Variants in DGKB observed in about 807,000 individuals in gnomAD.
DGKB encodes the protein diacylglycerol kinase beta, also known as 90 kDa diacylglycerol kinase.
Under a neutral mutation model 114.3 loss-of-function variants are expected in DGKB, and 67 were observed. The observed-to-expected ratio is 0.59, with a 90% confidence interval of 0.48 to 0.72. The LOEUF (loss-of-function observed/expected upper bound fraction) is 0.72. Ranked by LOEUF, DGKB falls within the 30% of genes least tolerant of loss-of-function variation. The probability of loss-of-function intolerance (pLI) is 0.00; values close to 1 mark genes in which losing one functional copy is unlikely to be tolerated. For synonymous variants in DGKB, 398 were observed against 323.1 expected (o/e 1.23, Z -2.49); for missense variants, 907 against 975.2 (o/e 0.93, Z 0.93).
At chr7:14,919,095 A>AAACACACACAC (rs1784392701) in intron 1 of DGKB, among the ~76,000 whole-genome samples, 3,458 of 114,710 alleles carry the variant, frequency 0.03, 100 homozygotes, top group East Asian at 0.15. Flanking sequence ...CACACACACA[A>AAACACACACAC]ACACACACAC....
chr7:14,491,468 T>G (rs945990083), intron 20 of DGKB, among the ~76,000 whole-genome samples: 1 of 152,090 alleles, frequency 6.6e-6, no homozygotes, highest in African/African-American at 2.4e-5. Context: ...AGCATGGAAA[T>G]GGACTAATAC....
At chr7:14,463,652 A>G (rs1318044674) in intron 21 of DGKB, among the ~76,000 whole-genome samples, 1 of 152,188 alleles carries the variant, frequency 6.6e-6, no homozygotes, top group Non-Finnish European at 1.5e-5. Context: ...TCTTTTCTGG[A>G]ACATATTAGC....
In DGKB at chr7:14,915,945, C is replaced by A. The variant is rs1270009683; in HGVS notation, c.-188+58751G>T. 2.0e-5 allele frequency among the ~76,000 whole-genome samples: 3 copies of A among 149,000 alleles called. No individual in the cohort carries two copies. In the South Asian group the frequency reaches 6.2e-4, roughly 31 times the overall value. On this transcript the variant is annotated intron_variant, in intron 1 of 4. Transcript: ENST00000437998. Reference sequence around the variant, plus strand: ...GGGTAAAATAAAATGTTTTGCTTTTCTTATTCTTAATTAATCTAATAGATA... The same window carrying A: ...GGGTAAAATAAAATGTTTTGCTTTTATTATTCTTAATTAATCTAATAGATA...
chr7:14,613,614 T>C (rs1805992139), intron 15 of DGKB, among the ~76,000 whole-genome samples: 1 of 151,218 alleles, frequency 6.6e-6, no homozygotes, highest in Non-Finnish European at 1.5e-5. Flanking sequence ...CAGGAAAACC[T>C]CCTCCACAAA....
intron 21 of DGKB, among the ~76,000 whole-genome samples, chr7:14,440,675 A>C (rs2128811152): frequency 6.6e-6 from 1 of 152,288 alleles, no homozygotes; most frequent in Admixed American, 6.5e-5. Flanking sequence ...GGCTCCAATA[A>C]ATTTTATATA....
intron 23 of DGKB, among the ~76,000 whole-genome samples, chr7:14,309,138 C>A (rs956130377): frequency 1.2e-4 from 19 of 152,072 alleles, no homozygotes; most frequent in Non-Finnish European, 2.5e-4. Context: ...ATTGCTTGAT[C>A]CCAGGAGGTC....
chr7:14,665,540 T>C (rs1298865552), intron 13 of DGKB, among the ~76,000 whole-genome samples: 1 of 152,004 alleles, frequency 6.6e-6, no homozygotes, highest in Non-Finnish European at 1.5e-5. Context: ...ATAAGGAATA[T>C]TGTTTCTAAA....
At chr7:14,377,651 G>C (rs1818719764) in intron 21 of DGKB, among the ~76,000 whole-genome samples, 1 of 152,174 alleles carries the variant, frequency 6.6e-6, no homozygotes, top group Non-Finnish European at 1.5e-5. Flanking sequence ...TATTGAAACA[G>C]TGTATATCCA....
intron 1 of DGKB, among the ~76,000 whole-genome samples, chr7:14,955,936 A>G (rs924170436): frequency 2.0e-5 from 3 of 151,980 alleles, no homozygotes; most frequent in African/African-American, 7.2e-5. Flanking sequence ...GAACTACTAG[A>G]ATGACATTGA....
chr7:14,495,731 G>A (rs1785213596), intron 20 of DGKB, among the ~76,000 whole-genome samples: 1 of 151,674 alleles, frequency 6.6e-6, no homozygotes, highest in Non-Finnish European at 1.5e-5. Flanking sequence ...CTTTAAAACT[G>A]GCATGGTTTA....
intron 9 of DGKB, among the ~76,000 whole-genome samples, chr7:14,690,193 A>G (rs116702993): frequency 1.5e-3 from 224 of 152,338 alleles, no homozygotes; most frequent in African/African-American, 5.1e-3. Flanking sequence ...AAGCCTTATT[A>G]ATTATCTTGT....
chr7:14,810,904 C>T (rs1295452784), intron 2 of DGKB, among the ~76,000 whole-genome samples: 6 of 152,134 alleles, frequency 3.9e-5, no homozygotes, highest in African/African-American at 7.2e-5. Flanking sequence ...TCACGGCGCC[C>T]GGCCTACTTA....
chr7:14,155,772 T>C (rs1230763160), intron 25 of DGKB, among the ~76,000 whole-genome samples: 1 of 152,060 alleles, frequency 6.6e-6, no homozygotes, highest in African/African-American at 2.4e-5. Flanking sequence ...ATGTGTGTAG[T>C]GATGCTTTTT....
intron 1 of DGKB, among the ~76,000 whole-genome samples, chr7:14,874,538 ACATAT>A (rs1290091480): frequency 6.6e-6 from 1 of 152,026 alleles, no homozygotes; most frequent in Non-Finnish European, 1.5e-5. Context: ...TTTACAAAGC[ACATAT>A]CATATAATTT....
intron 2 of DGKB, among the ~76,000 whole-genome samples, chr7:14,788,798 C>T (rs763170955): frequency 7.2e-5 from 11 of 152,112 alleles, no homozygotes; most frequent in African/African-American, 1.2e-4. Context: ...TCTCGGGATT[C>T]GTGAGTGCAA....
intron 23 of DGKB, among the ~76,000 whole-genome samples, chr7:14,306,826 T>A (rs537068283): frequency 6.6e-6 from 1 of 152,282 alleles, no homozygotes; most frequent in South Asian, 2.1e-4. Flanking sequence ...CTAATTTCAT[T>A]GTGATTTCAT....
chr7:14,716,859 T>C (rs1442637975), intron 6 of DGKB, among the ~76,000 whole-genome samples: 1 of 152,030 alleles, frequency 6.6e-6, no homozygotes, highest in African/African-American at 2.4e-5. Flanking sequence ...CATCATGTAT[T>C]TTGAAGAGTT....
chr7:14,386,961 T>C (rs906881842), intron 21 of DGKB, among the ~76,000 whole-genome samples: 1 of 152,086 alleles, frequency 6.6e-6, no homozygotes, highest in Admixed American at 6.5e-5. Context: ...AAAATAGTCA[T>C]TAAAATATTA....
chr7:14,759,146 A>C (rs796228067), intron 2 of DGKB, among the ~76,000 whole-genome samples: 37 of 152,272 alleles, frequency 2.4e-4, no homozygotes, highest in African/African-American at 8.7e-4. Flanking sequence ...GCTGGTGTCG[A>C]ACCCCTGACC....
Sources: allele counts gnomAD v4.1 joint callset (sites outside exome capture counted in the v4.1 genomes callset), GRCh38; gene constraint gnomAD v4.1.1; transcripts MANE v1.5; gene names NCBI Gene and HGNC (gene_info 2026-07-23, HGNC 2026-07-21).